Variants in MMP16 observed in about 807,000 individuals in gnomAD.
MMP16 encodes the protein matrix metalloproteinase-16.
Under a neutral mutation model 67.8 loss-of-function variants are expected in MMP16, and 12 were observed. That is an observed-to-expected ratio of 0.18 (90% CI 0.11 to 0.29). MMP16 has a LOEUF of 0.29. Ranked by LOEUF, MMP16 falls within the 10% of genes least tolerant of loss-of-function variation. The pLI is 1.00. For missense variants in MMP16, 475 were observed against 765.7 expected (o/e 0.62, Z 4.48); for synonymous variants, 249 against 255.9 (o/e 0.97, Z 0.26).
chr8:88,066,332 T>G (rs1433896126), intron 7 of MMP16, among the ~76,000 whole-genome samples: 3 of 152,090 alleles, frequency 2.0e-5, no homozygotes, highest in Non-Finnish European at 4.4e-5. Context: ...ATATGGGATA[T>G]ACCTGAGTGA....
intron 1 of MMP16, among the ~76,000 whole-genome samples, chr8:88,303,726 GA>G (rs1161088986): frequency 6.6e-6 from 1 of 152,190 alleles, no homozygotes; most frequent in Non-Finnish European, 1.5e-5. Context: ...CAGCGCTACA[GA>G]AAAGTAGCCT....
intron 9 of MMP16, among the ~76,000 whole-genome samples, chr8:88,042,295 T>C (rs907917127): frequency 5.3e-5 from 8 of 152,154 alleles, no homozygotes; most frequent in Admixed American, 2.0e-4. Context: ...TTTCTAATCA[T>C]CTTAGTATCA....
At chr8:88,220,355 C>T (rs1809661827) in intron 1 of MMP16, among the ~76,000 whole-genome samples, 1 of 151,906 alleles carries the variant, frequency 6.6e-6, no homozygotes, top group Non-Finnish European at 1.5e-5. Context: ...CCTTTTATTT[C>T]TTCCATTTTT....
intron 7 of MMP16, among the ~76,000 whole-genome samples, chr8:88,066,712 C>CA (rs1184273713): frequency 2.4e-4 from 37 of 151,060 alleles, no homozygotes; most frequent in Non-Finnish European, 4.6e-4. Flanking sequence ...AAAACAGCAG[C>CA]AAAAAAAACC....
chr8:88,072,289 T>C (rs1011888676), intron 7 of MMP16, among the ~76,000 whole-genome samples: 1 of 152,110 alleles, frequency 6.6e-6, no homozygotes, highest in African/African-American at 2.4e-5. Flanking sequence ...CCCAGGGTGC[T>C]AGGACTCTCA....
intron 4 of MMP16, among the ~76,000 whole-genome samples, chr8:88,128,513 T>C (rs1031367011): frequency 7.9e-5 from 12 of 151,920 alleles, no homozygotes; most frequent in African/African-American, 2.9e-4. Context: ...AACTTTCAAA[T>C]ATAAATCCTT....
intron 1 of MMP16, among the ~76,000 whole-genome samples, chr8:88,238,610 G>A (rs956263798): frequency 6.8e-6 from 1 of 146,504 alleles, no homozygotes; most frequent in Non-Finnish European, 1.5e-5. Context: ...AGGTTGCAGT[G>A]AGCCGAGACT....
chr8:88,130,012 C>A (rs1317407638), intron 4 of MMP16, among the ~76,000 whole-genome samples: 2 of 151,696 alleles, frequency 1.3e-5, no homozygotes, highest in African/African-American at 4.8e-5. Context: ...TTGATTAAAG[C>A]TATTGATGCT....
At chr8:88,055,753 T>C (rs1433054783) in intron 8 of MMP16, among the ~76,000 whole-genome samples, 1 of 152,212 alleles carries the variant, frequency 6.6e-6, no homozygotes, top group African/African-American at 2.4e-5. Context: ...TAACTTTGAG[T>C]GTGAAAACAC....
chr8:88,043,439 A>G (rs1023612797), intron 9 of MMP16, among the ~76,000 whole-genome samples: 1 of 152,100 alleles, frequency 6.6e-6, no homozygotes, highest in African/African-American at 2.4e-5. Context: ...ATATGCCACC[A>G]TGCCTAGCTA....
intron 1 of MMP16, among the ~76,000 whole-genome samples, chr8:88,301,694 A>G (rs1315409309): frequency 1.3e-5 from 2 of 152,208 alleles, no homozygotes; most frequent in Non-Finnish European, 2.9e-5. Context: ...AGATGACTGA[A>G]TCATAGCTAC....
rs1032524042 is a variant in MMP16, at chr8:88,033,081, T to A, written c.*8380A>T. On this transcript the variant is annotated 3_prime_UTR_variant, in exon 10 of 10. Coordinates refer to ENST00000286614, the MANE Select transcript of MMP16 (RefSeq NM_005941.5). ...AAGTCTGTATTAATTTTAATTCTTTTACTTTCCCATAACCACAATATAGAA... is the reference window on the plus strand; with the variant it reads ...AAGTCTGTATTAATTTTAATTCTTTAACTTTCCCATAACCACAATATAGAA... 1.3e-5 allele frequency: 2 copies of A among 151,962 alleles called. No individual in the cohort carries two copies. Among genetic ancestry groups the A allele is most frequent in the Non-Finnish European group, 2.9e-5 (2 of 67,916 alleles). 9.4% of individuals were successfully genotyped at this position (151,962 alleles called of 1,614,324 possible).
rs1488656239 is a variant in MMP16 at position 88,037,992 on chromosome 8, T to C, written c.*3469A>G. On this transcript the variant is annotated 3_prime_UTR_variant, in exon 10 of 10. Coordinates refer to ENST00000286614, the MANE Select transcript of MMP16 (RefSeq NM_005941.5). ...TATTTTATGCCTTGCATATCTCTAG[T>C]AACACTGAACTGACACCTTATGTTA... The C allele has an allele frequency of 6.6e-6, 1 of 152,002 alleles. No individual in the cohort carries two copies. Among genetic ancestry groups the C allele is most frequent in the Non-Finnish European group, 1.5e-5 (1 of 67,910 alleles). 9.4% of individuals were successfully genotyped at this position (152,002 alleles called of 1,614,324 possible).
At chr8:88,288,509 T>C (rs75737854) in intron 1 of MMP16, among the ~76,000 whole-genome samples, 4,520 of 152,298 alleles carry the variant, frequency 0.03, 58 homozygotes, top group South Asian at 0.045. Flanking sequence ...AGGTATATGA[T>C]CTATCATTCC....
intron 1 of MMP16, among the ~76,000 whole-genome samples, chr8:88,311,835 A>G (rs372680725): frequency 9.8e-5 from 15 of 152,296 alleles, no homozygotes; most frequent in African/African-American, 3.6e-4. Flanking sequence ...GAGGTCTTGC[A>G]TGCCATGTTA....
intron 4 of MMP16, among the ~76,000 whole-genome samples, chr8:88,148,959 C>T (rs1331639706): frequency 6.6e-6 from 1 of 152,192 alleles, no homozygotes; most frequent in African/African-American, 2.4e-5. Context: ...CCGGGTTCAT[C>T]TCATTAGGGA....
intron 1 of MMP16, among the ~76,000 whole-genome samples, chr8:88,213,595 G>A (rs1269800092): frequency 6.6e-6 from 1 of 152,176 alleles, no homozygotes; most frequent in African/African-American, 2.4e-5. Flanking sequence ...ATAGAAGAAT[G>A]ATCAGTTATA....
At chr8:88,217,112 ATTTACTGGCATTT>A (rs1451343997) in intron 1 of MMP16, among the ~76,000 whole-genome samples, 11 of 152,026 alleles carry the variant, frequency 7.2e-5, no homozygotes, top group Non-Finnish European at 1.6e-4. Context: ...TTCTTCAAGC[ATTTACTGGCATTT>A]TGACAAAACA....
intron 4 of MMP16, among the ~76,000 whole-genome samples, chr8:88,149,432 C>T (rs1304353155): frequency 2.0e-5 from 3 of 152,192 alleles, no homozygotes; most frequent in Non-Finnish European, 4.4e-5. Flanking sequence ...AAAAAGACAG[C>T]AGTAACCTCT....
Sources: gnomAD v4.1 joint callset for allele counts (sites outside exome capture counted in the v4.1 genomes callset) on GRCh38, gnomAD v4.1.1 for gene constraint, MANE v1.5 for transcripts, NCBI Gene and HGNC (gene_info 2026-07-23, HGNC 2026-07-21) for gene names.